The following ZNF12 variants were observed in gnomAD, a reference collection of about 807,000 sequenced individuals.
ZNF12 encodes zinc finger protein 12, also known as gonadotropin inducible transcription repressor 3.
Under a neutral mutation model 66.6 loss-of-function variants are expected in ZNF12, and 34 were observed. The ratio of observed to expected loss-of-function variants is 0.51; its 90% CI spans 0.39 to 0.68. ZNF12 has a LOEUF of 0.68. Ranked by LOEUF, ZNF12 falls within the 30% of genes least tolerant of loss-of-function variation. ZNF12 has a pLI of 0.00. For missense variants in ZNF12, 697 were observed against 826.9 expected (o/e 0.84, Z 1.93); for synonymous variants, 320 against 278.9 (o/e 1.15, Z -1.47).
intron 2 of ZNF12, among the ~76,000 whole-genome samples, chr7:6,699,827 A>C (rs957651564): frequency 1.3e-5 from 2 of 152,228 alleles, no homozygotes; most frequent in African/African-American, 4.8e-5. Flanking sequence ...GAAAGTCATC[A>C]GCTCAGGAAA....
intron 2 of ZNF12, among the ~76,000 whole-genome samples, chr7:6,704,740 C>CAAAAAAAAAAAAAAAAAAAAAAAAAAA (rs949897713): frequency 3.1e-5 from 1 of 32,250 alleles, no homozygotes; most frequent in African/African-American, 1.0e-4. Flanking sequence ...TACTTGGTCT[C>CAAAAAAAAAAAAAAAAAAAAAAAAAAA]AAAAAAAAAA....
chr7:6,692,886 A>AC lies in ZNF12; in HGVS notation c.239-184_239-183insG, dbSNP rs1780096208. On this transcript the variant is annotated intron_variant, in intron 4 of 4. Transcript: ENST00000405858. The surrounding 1 kb of genome is among the most constrained non-coding windows in gnomAD (Gnocchi z 5.1). Reference sequence around the variant, plus strand: ...TTTTGCTTAAAATTACACACACACAAACACACACACACACACACATCCCCC... The same window carrying AC: ...TTTTGCTTAAAATTACACACACACAACACACACACACACACACACATCCCCC... Among the ~76,000 whole-genome samples, 7 of 150,186 alleles carry AC rather than the reference A, an allele frequency of 4.7e-5. No homozygotes were observed. The highest frequency in any genetic ancestry group is 1.9e-4 in the East Asian group (1 of 5,132).
chr7:6,694,498 T>G (rs1780124557), intron 4 of ZNF12, among the ~76,000 whole-genome samples: 5 of 152,214 alleles, frequency 3.3e-5, no homozygotes, highest in Admixed American at 3.3e-4. Context: ...AGCTATTTGT[T>G]GCACAAGGAG....
At position 6,704,740 on chromosome 7, in the gene ZNF12, CAAAAAAAAAAAA is replaced by C. The variant is rs949897713; in HGVS notation, c.15+407_15+418del. Reference sequence around the variant, plus strand: ...GGTGACAGAGCGCAATACTTGGTCTCAAAAAAAAAAAAAAAAAAAAAAAAAAAAAAAGAAAGG... The same window carrying C: ...GGTGACAGAGCGCAATACTTGGTCTCAAAAAAAAAAAAAAAAAAAGAAAGG... On this transcript the variant is annotated intron_variant, in intron 2 of 4. Coordinates refer to ENST00000405858, the MANE Select transcript of ZNF12 (RefSeq NM_016265.4). Among the ~76,000 whole-genome samples, 90 of 32,258 alleles carry C rather than the reference CAAAAAAAAAAAA, an allele frequency of 2.8e-3. No individual in the cohort carries two copies. The South Asian group carries it at 0.069, about 25-fold the overall frequency. 21.2% of individuals were successfully genotyped at this position (32,258 alleles called of 152,430 possible).
chr7:6,706,606 C>A lies in ZNF12; in HGVS notation c.-225G>T, dbSNP rs144461280. The A allele has an allele frequency of 6.1e-3, 2,775 of 453,842 alleles. 65 individuals carry two copies. The highest frequency in any genetic ancestry group is 0.051 in the African/African-American group (2,532 of 50,080). 28.1% of individuals were successfully genotyped at this position (453,842 alleles called of 1,614,324 possible). ...ACAAATCCAGGCGGGGCGTCCCTCC[C>A]GGAGCCCAGATCCGTCTCCCTGGGG... On this transcript the variant is annotated 5_prime_UTR_variant, in exon 1 of 5. Coordinates refer to ENST00000405858, the MANE Select transcript of ZNF12 (RefSeq NM_016265.4).
chr7:6,691,479 G>A lies in ZNF12; in HGVS notation c.1463C>T (p.Thr488Ile). ...ATTACATTCGTAAGGTTTCTCTCCT[G>A]TGTGCACTCTCTGATGTCTCATGAG... ...SALMRHQRVH[T>I]GEKPYECNEC... Residue 488 changes from threonine (T) to isoleucine (I), a missense_variant, in exon 5 of 5, where the codon ACA (threonine) becomes ATA (isoleucine). By Grantham distance (89) the Thr-to-Ile change is moderately conservative (BLOSUM62 -1). This residue lies in a region of ZNF12 where 401 missense variants were observed against 519.0 expected (regional missense o/e 0.77). Transcript: ENST00000405858. The A allele has an allele frequency of 6.2e-7, 1 of 1,614,050 alleles. No homozygotes were observed. The highest frequency in any genetic ancestry group is 8.5e-7 in the Non-Finnish European group (1 of 1,179,988).
In ZNF12 at chr7:6,697,518, TC is replaced by T. The variant is rs1175532194; in HGVS notation, c.143-85del. On this transcript the variant is annotated intron_variant, in intron 3 of 4. Coordinates refer to ENST00000405858, the MANE Select transcript of ZNF12 (RefSeq NM_016265.4). The surrounding 1 kb of genome is among the most constrained non-coding windows in gnomAD (Gnocchi z 6.1). ...TCATACAGGGAAAATTCCATTTGTGTCTTATCAAAATCAGAACTTTTCACGG... is the reference window on the plus strand; with the variant it reads ...TCATACAGGGAAAATTCCATTTGTGTTTATCAAAATCAGAACTTTTCACGG... The T allele has an allele frequency of 2.0e-6, 3 of 1,531,466 alleles. No homozygotes were observed. The highest frequency in any genetic ancestry group is 2.7e-6 in the Non-Finnish European group (3 of 1,121,158). The allele number at this position is 1,531,466 out of a possible 1,614,324, so 94.9% of individuals were successfully genotyped here. A position where few individuals can be genotyped will look rare whatever the true frequency, so the allele number is the denominator to read the frequency against.
rs1035163393 is a variant in ZNF12 at position 6,705,413 on chromosome 7, G to C, written c.-50-190C>G. Reference sequence around the variant, plus strand: ...ATCTGCACATTTGAAACTCACACATGGCTACCTTGTGACTGAGTGGATGAG... The same window carrying C: ...ATCTGCACATTTGAAACTCACACATCGCTACCTTGTGACTGAGTGGATGAG... On this transcript the variant is annotated intron_variant, in intron 1 of 4. Coordinates refer to ENST00000405858, the MANE Select transcript of ZNF12 (RefSeq NM_016265.4). This position sits in a 1 kb window ranked among gnomAD's most constrained non-coding sequence, Gnocchi z 4.0. Among the ~76,000 whole-genome samples the C allele has an allele frequency of 6.6e-6, 1 of 152,226 alleles. No individual in the cohort carries two copies. Among genetic ancestry groups the C allele is most frequent in the Non-Finnish European group, 1.5e-5 (1 of 68,044 alleles).
rs1780071121 is a variant in ZNF12, at chr7:6,691,676, A to C, written c.1266T>G (p.Ser422=). 6.2e-7 allele frequency: 1 copy of C among 1,613,072 alleles called. No homozygotes were observed. Among genetic ancestry groups the C allele is most frequent in the Non-Finnish European group, 8.5e-7 (1 of 1,179,632 alleles). ...SECGKCFCRK[S]TLTTHLRTHT... Reference sequence around the variant, plus strand: ...GGGTCCTCAGGTGGGTCGTGAGAGTAGACTTGCGGCAGAAGCATTTCCCAC... The same window carrying C: ...GGGTCCTCAGGTGGGTCGTGAGAGTCGACTTGCGGCAGAAGCATTTCCCAC... Residue 422 remains serine, a synonymous_variant, in exon 5 of 5, where the codon TCT becomes TCG. Transcript: ENST00000405858.
In ZNF12 at chr7:6,691,413, A is replaced by G. The variant is rs781653729; in HGVS notation, c.1529T>C (p.Ile510Thr). The G allele has an allele frequency of 9.3e-6, 15 of 1,613,798 alleles. No individual in the cohort carries two copies. The highest frequency in any genetic ancestry group is 1.3e-5 in the Non-Finnish European group (15 of 1,179,920). ...TACTCCTGAATGAGTTCTATGATGG[A>G]TAGTGAGGTATGACAACTGGGAGAA... ...KLFSQLSYLT[I>T]HHRTHSGVKP... is the part of the protein sequence containing the mutation. The change falls in exon 5 of 5, where the codon ATC becomes ACC. Residue 510 changes from isoleucine to threonine, a missense_variant. By Grantham distance (89) the Ile-to-Thr change is moderately conservative. Around this residue, in one of 3 missense-constraint regions of ZNF12, gnomAD observed 401 missense variants for 519.0 expected, o/e 0.77. Coordinates refer to ENST00000405858, the MANE Select transcript of ZNF12 (RefSeq NM_016265.4).
Position 6,691,966 on chromosome 7 carries a change from C to A in ZNF12, c.976G>T (p.Glu326Ter). Residue 326 changes from glutamate to a stop codon, truncating the protein, a stop_gained, in exon 5 of 5, where the codon GAA becomes TAA. Coordinates refer to ENST00000405858, the MANE Select transcript of ZNF12 (RefSeq NM_016265.4). LOFTEE classifies it high-confidence loss of function. Reference sequence around the variant, plus strand: ...AAGTTCTTCCCACATTCATTACATTCATAGGGCTTCTCCCCTGTGTGTGTT... The same window carrying A: ...AAGTTCTTCCCACATTCATTACATTAATAGGGCTTCTCCCCTGTGTGTGTT... Reference protein sequence around the residue: ...QRTHTGEKPYECNECGKNFYQ... With the variant: ...QRTHTGEKPY The A allele has an allele frequency of 1.2e-6, 2 of 1,614,164 alleles. No homozygotes were observed. Among genetic ancestry groups the A allele is most frequent in the Non-Finnish European group, 1.7e-6 (2 of 1,180,008 alleles).
Position 6,688,922 on chromosome 7 carries a change from C to T in ZNF12, c.*1926G>A, listed in dbSNP as rs576813627. ...TCCAAAGGTGAATTTTGCAGGTCAA[C>T]GATATGACAGTTCAAGGAAGCATAC... On this transcript the variant is annotated 3_prime_UTR_variant, in exon 5 of 5. Transcript: ENST00000405858. This position sits in a 1 kb window ranked among gnomAD's most constrained non-coding sequence, Gnocchi z 4.3. 5.2e-5 allele frequency: 8 copies of T among 152,702 alleles called. No individual in the cohort carries two copies. The highest frequency in any genetic ancestry group is 1.2e-4 in the African/African-American group (5 of 41,544). The allele number at this position is 152,702 out of a possible 1,614,324, so 9.5% of individuals were successfully genotyped here.
chr7:6,691,077 A>G lies in ZNF12; in HGVS notation c.1865T>C (p.Ile622Thr), dbSNP rs2115346168. The change falls in exon 5 of 5, where the codon ATA becomes ACA. Residue 622 changes from isoleucine to threonine, a missense_variant. By Grantham distance (89) the Ile-to-Thr change is moderately conservative. Transcript: ENST00000405858. The part of the protein sequence containing the change: ...KCFSQMSYLT[I>T]HHRIHSGEKP... Reference sequence around the variant, plus strand: ...CTCTCCTGAATGAATTCGATGATGTATAGTGAGATAGGACATCTGAGAGAA... The same window carrying G: ...CTCTCCTGAATGAATTCGATGATGTGTAGTGAGATAGGACATCTGAGAGAA... 2 of 1,614,108 alleles carry G rather than the reference A, an allele frequency of 1.2e-6. No individual in the cohort carries two copies. Among genetic ancestry groups the G allele is most frequent in the Non-Finnish European group, 8.5e-7 (1 of 1,180,004 alleles).
Position 6,692,623 on chromosome 7 carries a change from C to T in ZNF12, c.319G>A (p.Glu107Lys). The part of the protein sequence containing the change: ...NKPSRQTVFI[E>K]TLIEERGNVP... ...TTACCTCTCTCTTCAATCAGGGTCT[C>T]AATGAACACAGTTTGCCTTGAAGGT... The change falls in exon 5 of 5, where the codon GAG (glutamate) becomes AAG (lysine). Residue 107 changes from glutamate (E) to lysine (K), a missense_variant. By Grantham distance (56) the Glu-to-Lys change is moderately conservative (BLOSUM62 1). Coordinates refer to ENST00000405858, the MANE Select transcript of ZNF12 (RefSeq NM_016265.4). This position sits in a 1 kb window ranked among gnomAD's most constrained non-coding sequence, Gnocchi z 5.1. The T allele has an allele frequency of 1.2e-6, 2 of 1,613,610 alleles. No individual in the cohort carries two copies. The highest frequency in any genetic ancestry group is 1.1e-5 in the South Asian group (1 of 90,956).
In ZNF12 at chr7:6,706,438, G is replaced by A. The variant is rs761811937; in HGVS notation, c.-57C>T. 1 of 477,786 alleles carries A rather than the reference G, an allele frequency of 2.1e-6. No homozygotes were observed. The highest frequency in any genetic ancestry group is 1.5e-5 in the South Asian group (1 of 66,190). The allele number at this position is 477,786 out of a possible 1,614,324, so 29.6% of individuals were successfully genotyped here. On this transcript the variant is annotated 5_prime_UTR_variant, in exon 1 of 5. Transcript: ENST00000405858. ...CCGCAAACCCACGACTTACCCTCCT[G>A]GGGCTCCGCAGCCTCTGCCCCACCG...
At chr7:6,706,062 G>A (rs1780350729) in intron 1 of ZNF12, among the ~76,000 whole-genome samples, 1 of 152,178 alleles carries the variant, frequency 6.6e-6, no homozygotes, top group African/African-American at 2.4e-5. Flanking sequence ...GGCAGCAAGA[G>A]ATAGTTCCTG....
rs1780364564 is a variant in ZNF12, at chr7:6,706,685, C to A, written c.-304G>T. 3.6e-6 allele frequency: 1 copy of A among 278,754 alleles called. No homozygotes were observed. Among genetic ancestry groups the A allele is most frequent in the African/African-American group, 2.4e-5 (1 of 42,050 alleles). The allele number at this position is 278,754 out of a possible 1,614,324, so 17.3% of individuals were successfully genotyped here. On this transcript the variant is annotated 5_prime_UTR_variant, in exon 1 of 5. Transcript: ENST00000405858. Reference sequence around the variant, plus strand: ...CCGTCGAGGACGCACACGGGCCGGGCCCGGGTCCCGCCGCCCCTTCGCCTC... The same window carrying A: ...CCGTCGAGGACGCACACGGGCCGGGACCGGGTCCCGCCGCCCCTTCGCCTC...
intron 4 of ZNF12, among the ~76,000 whole-genome samples, chr7:6,695,513 C>T (rs2078250783): frequency 1.3e-5 from 2 of 152,144 alleles, no homozygotes; most frequent in South Asian, 4.1e-4. Flanking sequence ...CCCAGGCATG[C>T]ATATTTAGAA....
chr7:6,692,257 C>A lies in ZNF12; in HGVS notation c.685G>T (p.Asp229Tyr). 2.5e-6 allele frequency: 4 copies of A among 1,613,736 alleles called. No individual in the cohort carries two copies. The highest frequency in any genetic ancestry group is 3.4e-6 in the Non-Finnish European group (4 of 1,179,784). Residue 229 changes from aspartate (D) to tyrosine (Y), a missense_variant, in exon 5 of 5, where the codon GAC becomes TAC. Coordinates refer to ENST00000405858, the MANE Select transcript of ZNF12 (RefSeq NM_016265.4). The surrounding 1 kb of genome is among the most constrained non-coding windows in gnomAD (Gnocchi z 5.1). ...YIECQKAFQK[D>Y]TVFVNHMEEK... is the part of the protein sequence containing the mutation. Reference sequence around the variant, plus strand: ...TCCATGTGATTAACAAAAACAGTGTCCTTTTGGAAGGCTTTCTGGCATTCA... The same window carrying A: ...TCCATGTGATTAACAAAAACAGTGTACTTTTGGAAGGCTTTCTGGCATTCA...
Sources: gnomAD v4.1 joint callset for allele counts (sites outside exome capture counted in the v4.1 genomes callset) on GRCh38, gnomAD v4.1.1 for gene constraint, gnomAD v4.1.1 regional missense constraint, Gnocchi (gnomAD v3.1) non-coding constraint, MANE v1.5 for transcripts, NCBI Gene and HGNC (gene_info 2026-07-23, HGNC 2026-07-21) for gene names.